The following UBE3C variants were observed in gnomAD, a reference collection of about 807,000 sequenced individuals.
UBE3C encodes the protein ubiquitin-protein ligase E3C.
A neutral mutation model predicts 129.4 loss-of-function variants in UBE3C; 42 were observed. The observed-to-expected ratio is 0.32, with a 90% CI of 0.25 to 0.42. The LOEUF (loss-of-function observed/expected upper bound fraction) is 0.42, where lower values mean the gene tolerates loss of function less well. Ranked by LOEUF, UBE3C falls within the 10% of genes least tolerant of loss-of-function variation. The probability of loss-of-function intolerance (pLI) is 1.00; values close to 1 mark genes in which losing one functional copy is unlikely to be tolerated. For synonymous variants in UBE3C, 510 were observed against 492.4 expected (o/e 1.04, Z -0.47); for missense variants, 1,049 against 1,319.1 (o/e 0.80, Z 3.17).
chr7:157,153,951 C>A lies in UBE3C; in HGVS notation c.67-9859C>A, dbSNP rs180690575. ...GAGGTTGCAGTGAGTGAGCCAAGAC[C>A]GCGCCACTGCACTCCAGCTTGGGTG... is the stretch of plus-strand genomic sequence containing the variant. On this transcript the variant is annotated intron_variant, in intron 1 of 22. Coordinates refer to ENST00000348165, the MANE Select transcript of UBE3C (RefSeq NM_014671.3). Among the ~76,000 whole-genome samples the A allele has an allele frequency of 2.0e-5, 3 of 151,860 alleles. No homozygotes were observed. The East Asian group carries it at 5.8e-4, about 29-fold the overall frequency.
At chr7:157,179,270 T>C (rs893419467) in intron 6 of UBE3C, among the ~76,000 whole-genome samples, 1 of 151,962 alleles carries the variant, frequency 6.6e-6, no homozygotes, top group African/African-American at 2.4e-5. Flanking sequence ...CCAAGAGCCT[T>C]ATGAAAAAGT....
intron 19 of UBE3C, 171 bp downstream of exon 19, chr7:157,248,751 C>T (rs1414807232): frequency 7.5e-6 from 5 of 668,130 alleles, no homozygotes; most frequent in South Asian, 3.8e-5. Context: ...TTAGCCCTGG[C>T]GTCTGAGCTG....
rs533638507 is a variant in UBE3C at position 157,162,001 on chromosome 7, C to G, written c.67-1809C>G. Among the ~76,000 whole-genome samples the G allele has an allele frequency of 1.7e-4, 26 of 151,808 alleles. 1 individual carries two copies. The South Asian group carries it at 5.4e-3, about 32-fold the overall frequency. ...ACGAGAATTGCTTGAAACCGGGAGG[C>G]AGAGGTTGCAGTGAGCCAAGATCGC... On this transcript the variant is annotated intron_variant, in intron 1 of 22. Transcript: ENST00000348165.
intron 18 of UBE3C, among the ~76,000 whole-genome samples, chr7:157,232,486 A>G (rs1796047379): frequency 6.6e-6 from 1 of 152,080 alleles, no homozygotes; most frequent in African/African-American, 2.4e-5. Flanking sequence ...AGCCTCCTGA[A>G]CAACAGGTGT....
At chr7:157,223,519 A>T (rs1249984537) in intron 16 of UBE3C, among the ~76,000 whole-genome samples, 168 bp downstream of exon 16, 1 of 152,252 alleles carries the variant, frequency 6.6e-6, no homozygotes, top group Non-Finnish European at 1.5e-5. Flanking sequence ...ACCCAACCAG[A>T]TACCTCTTTT....
rs973059561 is a variant in UBE3C at position 157,267,921 on chromosome 7, C to T, written c.*166C>T. 5.4e-5 allele frequency: 29 copies of T among 537,058 alleles called. No homozygotes were observed. The Admixed American group carries it at 7.1e-4, about 13-fold the overall frequency. The allele number at this position is 537,058 out of a possible 1,614,324, so 33.3% of individuals were successfully genotyped here. A position where few individuals can be genotyped will look rare whatever the true frequency, so the allele number is the denominator to read the frequency against. On this transcript the variant is annotated 3_prime_UTR_variant, in exon 23 of 23. Coordinates refer to ENST00000348165, the MANE Select transcript of UBE3C (RefSeq NM_014671.3). ...TTCCTTTTTTAAATGATTTTTATTA[C>T]GGTGTGGTCACTTATTTAGATGGAC...
intron 10 of UBE3C, chr7:157,198,049 C>T (rs1809172320): frequency 5.0e-6 from 8 of 1,607,766 alleles, no homozygotes; most frequent in Admixed American, 1.7e-5. Context: ...CACTGAAGCT[C>T]CAGGGGGATC....
At chr7:157,231,776 A>G (rs1237122817) in intron 18 of UBE3C, 2 of 161,160 alleles carry the variant, frequency 1.2e-5, no homozygotes, top group African/African-American at 4.8e-5. Context: ...CCTTCCAGCT[A>G]TAAGAAATGG....
chr7:157,219,919 T>C (rs1372903159), intron 14 of UBE3C, among the ~76,000 whole-genome samples: 2 of 149,900 alleles, frequency 1.3e-5, no homozygotes, highest in Non-Finnish European at 3.0e-5. Flanking sequence ...AAAAAAAAAT[T>C]GCAAGGGCCA....
At chr7:157,252,788 G>T (rs1002758393) in intron 19 of UBE3C, among the ~76,000 whole-genome samples, 2 of 152,252 alleles carry the variant, frequency 1.3e-5, no homozygotes, top group Non-Finnish European at 1.5e-5. Context: ...GAATGGAAAG[G>T]TAGGGAAGTT....
intron 10 of UBE3C, chr7:157,197,819 A>T: frequency 6.2e-7 from 1 of 1,613,096 alleles, no homozygotes; most frequent in African/African-American, 1.3e-5. Context: ...ACCTGATTTG[A>T]ATTTTTGTTG....
At chr7:157,217,835 C>T (rs182562216) in intron 14 of UBE3C, among the ~76,000 whole-genome samples, 66 of 151,386 alleles carry the variant, frequency 4.4e-4, no homozygotes, top group African/African-American at 1.6e-3. Flanking sequence ...GAAATTCCGT[C>T]TCAAAAAAAG....
At chr7:157,150,670 C>T (rs1340389819) in intron 1 of UBE3C, among the ~76,000 whole-genome samples, 1 of 152,110 alleles carries the variant, frequency 6.6e-6, no homozygotes, top group Non-Finnish European at 1.5e-5. Flanking sequence ...TATTAACATA[C>T]TTGTATTTAT....
chr7:157,153,839 CAAA>C (rs1305118248), intron 1 of UBE3C, among the ~76,000 whole-genome samples: 1 of 151,242 alleles, frequency 6.6e-6, no homozygotes, highest in African/African-American at 2.4e-5. Context: ...AACAAACAAA[CAAA>C]AAAACGGGCA....
chr7:157,157,768 A>G (rs1162353014), intron 1 of UBE3C, among the ~76,000 whole-genome samples: 2 of 152,166 alleles, frequency 1.3e-5, no homozygotes, highest in African/African-American at 4.8e-5. Context: ...TGAGGTCAAC[A>G]GTTTGAGACC....
chr7:157,238,458 A>G (rs548435325), intron 18 of UBE3C, among the ~76,000 whole-genome samples: 14 of 152,056 alleles, frequency 9.2e-5, no homozygotes, highest in Admixed American at 2.6e-4. Flanking sequence ...CATCATATTC[A>G]AGGAGATTTG....
In UBE3C at chr7:157,182,197, ATG is replaced by A; in HGVS notation, c.861_862del (p.Gln289AspfsTer18). The A allele has an allele frequency of 1.9e-6, 3 of 1,614,164 alleles. No homozygotes were observed. The highest frequency in any genetic ancestry group is 2.5e-6 in the Non-Finnish European group (3 of 1,180,008). On this transcript the variant is annotated frameshift_variant, in exon 8 of 23. Coordinates refer to ENST00000348165, the MANE Select transcript of UBE3C (RefSeq NM_014671.3). LOFTEE classifies it high-confidence loss of function. ...CATTTCATCATTCCGGCGCTTGCAG[ATG>A]CGCAGACCGTTTTCCCTTACGAGCC... is the stretch of plus-strand genomic sequence containing the variant.
intron 13 of UBE3C, among the ~76,000 whole-genome samples, chr7:157,210,157 G>GCGA (rs1286842367): frequency 1.3e-5 from 2 of 151,928 alleles, no homozygotes; most frequent in Admixed American, 6.6e-5. Flanking sequence ...AGCCTGGGCG[G>GCGA]TAGGGTGACT....
intron 9 of UBE3C, among the ~76,000 whole-genome samples, chr7:157,186,580 TA>T (rs1028587212): frequency 1.3e-5 from 2 of 152,120 alleles, no homozygotes; most frequent in African/African-American, 4.8e-5. Flanking sequence ...TTTTGAAATG[TA>T]AATACTGAAG....
Sources: gnomAD v4.1 joint callset for allele counts (sites outside exome capture counted in the v4.1 genomes callset) on GRCh38, gnomAD v4.1.1 for gene constraint, MANE v1.5 for transcripts, NCBI Gene and HGNC (gene_info 2026-07-23, HGNC 2026-07-21) for gene names.